The following PDE4D variants were observed in gnomAD, a reference collection of about 807,000 sequenced individuals.
The protein encoded by PDE4D is phosphodiesterase 4D, also known as 3',5'-cyclic-AMP phosphodiesterase 4D.
A neutral mutation model predicts 87.4 loss-of-function variants in PDE4D; 24 were observed. That is an observed-to-expected ratio of 0.27 (90% CI 0.20 to 0.39). The LOEUF is 0.39. Among genes scored for constraint, PDE4D ranks in the 10% least tolerant of loss-of-function variants. PDE4D has a pLI of 1.00. For synonymous variants in PDE4D, 384 were observed against 383.2 expected (o/e 1.00, Z -0.02); for missense variants, 714 against 1,041.0 (o/e 0.69, Z 4.32).
At chr5:60,400,521 CA>C (rs56750243) in intron 1 of PDE4D, among the ~76,000 whole-genome samples, 172 of 62,312 alleles carry the variant, frequency 2.8e-3, no homozygotes, top group African/African-American at 9.6e-3. Context: ...GACTCCATCT[CA>C]AAAAAAAAAA....
chr5:59,683,908 T>C (rs1020107930), intron 1 of PDE4D, among the ~76,000 whole-genome samples: 7 of 152,198 alleles, frequency 4.6e-5, no homozygotes, highest in African/African-American at 1.7e-4. Context: ...TGTTCTGAAT[T>C]GGATTGGGCT....
chr5:59,206,932 C>T (rs1748922186), intron 2 of PDE4D, among the ~76,000 whole-genome samples: 1 of 152,142 alleles, frequency 6.6e-6, no homozygotes, highest in African/African-American at 2.4e-5. Context: ...CCTGTAATTT[C>T]AGCACTTTGG....
In PDE4D at chr5:59,203,090, T is replaced by C. The variant is rs1276474264; in HGVS notation, c.648-9554A>G. ...CTGACACAGTGGCTTACACCTGTAA[T>C]CCCAGCACCTTAGGAGGCTGAGGTA... On this transcript the variant is annotated intron_variant, in intron 2 of 14. Transcript: ENST00000340635. 1.6e-4 allele frequency among the ~76,000 whole-genome samples: 24 copies of C among 152,138 alleles called. 1 individual carries two copies. Among genetic ancestry groups the C allele is most frequent in the Admixed American group, 1.5e-3 (23 of 15,268 alleles).
intron 1 of PDE4D, among the ~76,000 whole-genome samples, chr5:60,377,296 T>C (rs879110895): frequency 6.6e-6 from 1 of 152,184 alleles, no homozygotes; most frequent in African/African-American, 2.4e-5. Flanking sequence ...AGTCAGCATA[T>C]CGTGGACACT....
intron 1 of PDE4D, among the ~76,000 whole-genome samples, chr5:60,318,483 C>T (rs1202526786): frequency 6.6e-6 from 1 of 152,194 alleles, no homozygotes; most frequent in Non-Finnish European, 1.5e-5. Context: ...AGCCCATTTA[C>T]ATTTAAGGTT....
At chr5:59,432,849 T>C (rs1421019161) in intron 1 of PDE4D, among the ~76,000 whole-genome samples, 2 of 152,108 alleles carry the variant, frequency 1.3e-5, no homozygotes, top group African/African-American at 4.8e-5. Context: ...AGTTAGTAAA[T>C]AGTAAATAAT....
intron 1 of PDE4D, among the ~76,000 whole-genome samples, chr5:60,456,154 G>C (rs779011182): frequency 2.0e-5 from 3 of 152,140 alleles, no homozygotes; most frequent in Non-Finnish European, 4.4e-5. Flanking sequence ...AGAGACCCAC[G>C]TAGGCCCTGG....
chr5:59,853,501 A>G (rs923486045), intron 1 of PDE4D, among the ~76,000 whole-genome samples: 6 of 152,074 alleles, frequency 3.9e-5, no homozygotes, highest in Non-Finnish European at 7.4e-5. Flanking sequence ...TCAGTTTCCT[A>G]TGCATATGTT....
At chr5:59,443,191 G>C (rs139756213) in intron 1 of PDE4D, among the ~76,000 whole-genome samples, 60 of 152,130 alleles carry the variant, frequency 3.9e-4, no homozygotes, top group African/African-American at 1.3e-3. Context: ...ATCAATGCTC[G>C]CATGAAGTAA....
At chr5:59,689,293 C>T (rs914135447) in intron 1 of PDE4D, among the ~76,000 whole-genome samples, 3 of 152,140 alleles carry the variant, frequency 2.0e-5, no homozygotes, top group Non-Finnish European at 2.9e-5. Context: ...ACCAATATCC[C>T]TGATGAACAT....
chr5:59,458,236 A>G (rs1800218621), intron 1 of PDE4D, among the ~76,000 whole-genome samples: 1 of 152,256 alleles, frequency 6.6e-6, no homozygotes, highest in Non-Finnish European at 1.5e-5. Flanking sequence ...CTGTGTAGAA[A>G]GAAACTATTA....
intron 1 of PDE4D, among the ~76,000 whole-genome samples, chr5:60,187,465 T>A (rs1396673344): frequency 6.6e-6 from 1 of 152,190 alleles, no homozygotes; most frequent in African/African-American, 2.4e-5. Context: ...ATTCAAAATA[T>A]TTAATTATTC....
intron 1 of PDE4D, among the ~76,000 whole-genome samples, chr5:60,497,910 G>A (rs2150242683): frequency 6.6e-6 from 1 of 152,218 alleles, no homozygotes; most frequent in East Asian, 1.9e-4. Flanking sequence ...AGGGCGATTA[G>A]TCAAGTTCCA....
intron 1 of PDE4D, among the ~76,000 whole-genome samples, chr5:59,792,404 G>C (rs899655269): frequency 7.2e-5 from 8 of 111,378 alleles, no homozygotes; most frequent in Admixed American, 4.7e-4. Flanking sequence ...CCAAGAAGCT[G>C]TGTGTGTGTG....
chr5:59,428,761 T>C (rs1475757868), intron 1 of PDE4D, among the ~76,000 whole-genome samples: 4 of 152,206 alleles, frequency 2.6e-5, no homozygotes, highest in African/African-American at 7.2e-5. Context: ...TTGTTTTCAT[T>C]ACATGTTTGT....
chr5:60,060,852 G>A (rs1023303332), intron 2 of PDE4D, among the ~76,000 whole-genome samples: 7 of 152,046 alleles, frequency 4.6e-5, no homozygotes, highest in African/African-American at 1.7e-4. Context: ...CTCGATAGAT[G>A]CAGAAAAGAC....
intron 2 of PDE4D, among the ~76,000 whole-genome samples, chr5:60,069,219 A>G (rs1772448884): frequency 6.6e-6 from 1 of 152,154 alleles, no homozygotes; most frequent in African/African-American, 2.4e-5. Context: ...CCCTAAATCT[A>G]TATGTTGAAT....
intron 2 of PDE4D, among the ~76,000 whole-genome samples, chr5:60,000,652 A>C (rs1005811396): frequency 6.6e-6 from 1 of 152,250 alleles, no homozygotes; most frequent in East Asian, 1.9e-4. Flanking sequence ...TAAAAATCGT[A>C]TAATATTGCA....
chr5:60,054,689 T>A (rs974322704), intron 2 of PDE4D, among the ~76,000 whole-genome samples: 13 of 149,306 alleles, frequency 8.7e-5, no homozygotes, highest in Admixed American at 2.7e-4. Context: ...TAAAAAAAAA[T>A]AAGTTAATTA....
Sources: allele counts gnomAD v4.1 joint callset (sites outside exome capture counted in the v4.1 genomes callset), GRCh38; gene constraint gnomAD v4.1.1; transcripts MANE v1.5; gene names NCBI Gene and HGNC (gene_info 2026-07-23, HGNC 2026-07-21).